ALMS1: variants seen among roughly 807,000 people sequenced by gnomAD.
The protein encoded by ALMS1 is ALMS1 centrosome and basal body associated protein.
ALMS1 carries 271 observed loss-of-function variants against 352.2 expected under a neutral mutation model. That is an observed-to-expected ratio of 0.77 (90% CI 0.70 to 0.85). The LOEUF is 0.85. Among genes scored for constraint, ALMS1 ranks in the 40% least tolerant of loss-of-function variants. The probability of loss-of-function intolerance (pLI) is 0.00; values close to 1 mark genes in which losing one functional copy is unlikely to be tolerated. For missense variants in ALMS1, 5,445 were observed against 4,870.7 expected, an observed-to-expected ratio of 1.12 and a Z score of -3.51; for synonymous variants, 1,865 against 1,761.2, an observed-to-expected ratio of 1.06 and a Z score of -1.48.
chr2:73,535,082 C>G, intron 12 of ALMS1, 133 bp downstream of exon 12: 1 of 1,123,136 alleles, frequency 8.9e-7, no homozygotes, highest in Non-Finnish European at 1.3e-6. Context: ...ATACCTTGAT[C>G]TCTGGTTCAG....
Position 73,603,386 on chromosome 2 carries a change from T to A in ALMS1, c.12362+82T>A, listed in dbSNP as rs1675743817. On this transcript the variant is annotated intron_variant, in intron 21 of 22. Transcript: ENST00000613296. Reference sequence around the variant, plus strand: ...CGGGAGCTCTGGCTTGCACCCAGAATAAATGTATTATACTCAAGTTTAAAC... The same window carrying A: ...CGGGAGCTCTGGCTTGCACCCAGAAAAAATGTATTATACTCAAGTTTAAAC... 7.4e-6 allele frequency: 9 copies of A among 1,216,790 alleles called. No homozygotes were observed. In the South Asian group the frequency reaches 1.1e-4, roughly 15 times the overall value. 75.4% of individuals were successfully genotyped at this position (1,216,790 alleles called of 1,614,324 possible).
At chr2:73,404,657 A>G (rs763856696) in intron 1 of ALMS1, among the ~76,000 whole-genome samples, 1 of 151,924 alleles carries the variant, frequency 6.6e-6, no homozygotes, top group Non-Finnish European at 1.5e-5. Context: ...CTTTTAACGT[A>G]CTGCTGAATT....
intron 21 of ALMS1, among the ~76,000 whole-genome samples, chr2:73,607,971 A>G (rs1573061010): frequency 6.6e-6 from 1 of 151,880 alleles, no homozygotes; most frequent in Admixed American, 6.6e-5. Context: ...GCTCCTATCT[A>G]TTCTTAAGAC....
chr2:73,396,549 TC>T (rs377158683), intron 1 of ALMS1, among the ~76,000 whole-genome samples: 2 of 87,676 alleles, frequency 2.3e-5, no homozygotes, highest in East Asian at 6.4e-4. Context: ...GGGTCTGAGC[TC>T]TTTTTTTTTT....
At chr2:73,497,238 TA>T (rs1252182597) in intron 10 of ALMS1, among the ~76,000 whole-genome samples, 1 of 152,164 alleles carries the variant, frequency 6.6e-6, no homozygotes, top group African/African-American at 2.4e-5. Context: ...CTGATTATTT[TA>T]ATTTTTTTCC....
At chr2:73,507,761 C>T (rs762088898) in intron 10 of ALMS1, among the ~76,000 whole-genome samples, 111 of 151,764 alleles carry the variant, frequency 7.3e-4, no homozygotes, top group Non-Finnish European at 9.7e-4. Context: ...AAGGGTTTTT[C>T]GTGTCTCTAT....
At chr2:73,461,423 C>T (rs1413344765) in intron 9 of ALMS1, among the ~76,000 whole-genome samples, 5 of 152,182 alleles carry the variant, frequency 3.3e-5, no homozygotes, top group Non-Finnish European at 7.3e-5. Flanking sequence ...AACTAACAAA[C>T]AGAAAGGACA....
rs58089734 is a variant in ALMS1, at chr2:73,585,726, C to CTTTTTTTT, written c.11547+12310_11547+12317dup. 3.3e-3 allele frequency among the ~76,000 whole-genome samples: 399 copies of CTTTTTTTT among 119,510 alleles called. 14 individuals are homozygous for CTTTTTTTT. The highest frequency in any genetic ancestry group is 0.01 in the African/African-American group (291 of 28,510). The allele number at this position is 119,510 out of a possible 152,430, so 78.4% of individuals were successfully genotyped here. A position where few individuals can be genotyped will look rare whatever the true frequency, so the allele number is the denominator to read the frequency against. Reference sequence around the variant, plus strand: ...ATCATTTTTGCATACACTTCTTGGCCTTTTTTTTTTTTTTTCCCCGAGACG... The same window carrying CTTTTTTTT: ...ATCATTTTTGCATACACTTCTTGGCCTTTTTTTTTTTTTTTTTTTTTTTCCCCGAGACG... On this transcript the variant is annotated intron_variant, in intron 16 of 22. Transcript: ENST00000613296.
intron 16 of ALMS1, among the ~76,000 whole-genome samples, chr2:73,591,169 T>C (rs1004630531): frequency 2.6e-5 from 4 of 152,194 alleles, no homozygotes; most frequent in Non-Finnish European, 5.9e-5. Flanking sequence ...AATATTGTTA[T>C]GTATTTCTTT....
intron 7 of ALMS1, among the ~76,000 whole-genome samples, chr2:73,444,704 A>G (rs943262377): frequency 1.3e-5 from 2 of 152,200 alleles, no homozygotes; most frequent in African/African-American, 2.4e-5. Flanking sequence ...GACAACGTTA[A>G]TGAATTATCA....
Position 73,498,447 on chromosome 2 carries a change from C to T in ALMS1, c.9539+6949C>T, listed in dbSNP as rs181363667. ...TTACACTAAGTTATTTTAAAATGTA[C>T]AGTCATTATTTACTATAGTCACCCT... On this transcript the variant is annotated intron_variant, in intron 10 of 22. Transcript: ENST00000613296. 1.6e-4 allele frequency among the ~76,000 whole-genome samples: 25 copies of T among 152,020 alleles called. No homozygotes were observed. The East Asian group carries it at 4.2e-3, about 26-fold the overall frequency.
intron 9 of ALMS1, among the ~76,000 whole-genome samples, chr2:73,456,088 A>G (rs1257267270): frequency 6.6e-6 from 1 of 152,224 alleles, no homozygotes; most frequent in African/African-American, 2.4e-5. Context: ...TAATTCCCAT[A>G]TATTTACTAT....
chr2:73,585,507 C>T (rs914236420), intron 16 of ALMS1, among the ~76,000 whole-genome samples: 1 of 151,144 alleles, frequency 6.6e-6, no homozygotes, highest in African/African-American at 2.4e-5. Flanking sequence ...GATTCTTCTG[C>T]CTCAGCCTCC....
At chr2:73,545,059 A>G (rs566304472) in intron 12 of ALMS1, among the ~76,000 whole-genome samples, 1 of 152,244 alleles carries the variant, frequency 6.6e-6, no homozygotes, top group Non-Finnish European at 1.5e-5. Flanking sequence ...TTTAATGGGT[A>G]CAGAGTTTAA....
intron 16 of ALMS1, among the ~76,000 whole-genome samples, chr2:73,576,175 T>C (rs1394210191): frequency 1.3e-5 from 2 of 152,208 alleles, no homozygotes; most frequent in African/African-American, 4.8e-5. Flanking sequence ...AGTCTATATA[T>C]CTCTCTTTAT....
intron 1 of ALMS1, among the ~76,000 whole-genome samples, chr2:73,392,061 C>T (rs979693485): frequency 6.6e-6 from 1 of 152,030 alleles, no homozygotes; most frequent in African/African-American, 2.4e-5. Flanking sequence ...ATTTTCACTT[C>T]TCATTCCCAA....
chr2:73,603,441 C>A, intron 21 of ALMS1, 137 bp downstream of exon 21: 3 of 713,764 alleles, frequency 4.2e-6, no homozygotes, highest in Non-Finnish European at 7.1e-6. Flanking sequence ...AGTCATTTCT[C>A]ACTTATGGCA....
chr2:73,454,093 A>G, intron 8 of ALMS1, 26 bp downstream of exon 8: 1 of 1,584,242 alleles, frequency 6.3e-7, no homozygotes, highest in Non-Finnish European at 8.6e-7. Flanking sequence ...CAGGCTTATA[A>G]ACGTTATAGT....
At chr2:73,455,384 CTGA>C in intron 9 of ALMS1, 89 bp downstream of exon 9, 1 of 1,547,052 alleles carries the variant, frequency 6.5e-7, no homozygotes, top group Non-Finnish European at 8.8e-7. Flanking sequence ...AGTTGAGTTG[CTGA>C]TAATATTTGG....
Sources: allele counts gnomAD v4.1 joint callset (sites outside exome capture counted in the v4.1 genomes callset), GRCh38; gene constraint gnomAD v4.1.1; transcripts MANE v1.5; gene names NCBI Gene and HGNC (gene_info 2026-07-23, HGNC 2026-07-21).